Variants in ALG9 observed in about 807,000 individuals in gnomAD.
ALG9 encodes the protein ALG9 alpha-1,2-mannosyltransferase, also known as alpha-1,2-mannosyltransferase ALG9.
Under a neutral mutation model 81.8 loss-of-function variants are expected in ALG9, and 55 were observed. The ratio of observed to expected loss-of-function variants is 0.67; its 90% CI spans 0.54 to 0.84. The LOEUF is 0.84. Among genes scored for constraint, ALG9 ranks in the 40% least tolerant of loss-of-function variants. The probability of loss-of-function intolerance (pLI) is 0.00; values close to 1 mark genes in which losing one functional copy is unlikely to be tolerated. For missense variants in ALG9, 629 were observed against 745.0 expected, an observed-to-expected ratio of 0.84 and a Z score of 1.81; for synonymous variants, 278 against 274.3, an observed-to-expected ratio of 1.01 and a Z score of -0.13.
intron 14 of ALG9, among the ~76,000 whole-genome samples, chr11:111,798,804 C>A (rs782264591): frequency 6.6e-6 from 1 of 152,112 alleles, no homozygotes; most frequent in East Asian, 1.9e-4. Flanking sequence ...GGGACTAGAA[C>A]GTGTTGATTA....
At chr11:111,774,069 T>TAA in the ALG9 span, among the ~76,000 whole-genome samples, 36 of 69,708 alleles carry the variant, frequency 5.2e-4, 1 homozygote, top group African/African-American at 1.3e-3. Flanking sequence ...CATATCTTAT[T>TAA]AAAAAAAAAA....
intron 13 of ALG9, 45 bp from the exon 14 acceptor site, chr11:111,809,818 C>T (rs782496614): frequency 4.3e-6 from 7 of 1,609,266 alleles, no homozygotes; most frequent in African/African-American, 1.3e-5. Context: ...TTTTGAAGGT[C>T]CCTTCAGGGT....
intron 13 of ALG9, among the ~76,000 whole-genome samples, chr11:111,826,180 G>A (rs1403899090): frequency 1.3e-5 from 2 of 150,700 alleles, no homozygotes; most frequent in Non-Finnish European, 3.0e-5. Flanking sequence ...CAGTCTAGGA[G>A]TTTGAGACCA....
downstream of ALG9, among the ~76,000 whole-genome samples, chr11:111,779,155 T>C (rs1448143379): frequency 1.3e-5 from 2 of 152,086 alleles, no homozygotes; most frequent in African/African-American, 2.4e-5. Flanking sequence ...TTCTGTCTCG[T>C]GTAGCTCCAT....
At chr11:111,828,050 C>T (rs1555110259) in intron 13 of ALG9, among the ~76,000 whole-genome samples, 1 of 151,928 alleles carries the variant, frequency 6.6e-6, no homozygotes, top group Non-Finnish European at 1.5e-5. Context: ...ATTGGCCAGG[C>T]ATGGTGGTGT....
At chr11:111,841,902 T>G (rs1177546035) in intron 9 of ALG9, among the ~76,000 whole-genome samples, 3 of 152,176 alleles carry the variant, frequency 2.0e-5, no homozygotes, top group South Asian at 4.1e-4. Context: ...AGGTTTTTTG[T>G]TTTTTGTTTT....
intron 2 of ALG9, 33 bp from the exon 3 acceptor site, chr11:111,868,769 T>C: frequency 3.9e-6 from 6 of 1,548,726 alleles, no homozygotes; most frequent in Non-Finnish European, 5.2e-6. Flanking sequence ...TTCAGGGTTA[T>C]ACTGGCCAAA....
At chr11:111,864,157 AAG>A (rs2137201307) in intron 4 of ALG9, 1 of 533,044 alleles carries the variant, frequency 1.9e-6, no homozygotes, top group South Asian at 2.6e-5. Flanking sequence ...AAAAAAGAAA[AAG>A]AAGAGAACAA....
intron 8 of ALG9, chr11:111,849,649 C>T (rs1555135201): frequency 6.6e-6 from 1 of 151,832 alleles, no homozygotes; most frequent in Admixed American, 6.6e-5. Flanking sequence ...CCTCCACAGG[C>T]CCCAGTGTAT....
Position 111,871,512 on chromosome 11 carries a change from C to G in ALG9, c.-30G>C. On this transcript the variant is annotated 5_prime_UTR_variant, in exon 1 of 15. Transcript: ENST00000616540. The stretch of plus-strand genomic sequence containing the variant: ...AGCCTGGGGAAAAAAGAATTCGGCA[C>G]CCTATGAAGTCGGTGAGCGCGCAGA... The G allele has an allele frequency of 6.5e-7, 1 of 1,535,936 alleles. No homozygotes were observed. Among genetic ancestry groups the G allele is most frequent in the Non-Finnish European group, 8.7e-7 (1 of 1,146,472 alleles).
chr11:111,846,902 A>C (rs1957026800), intron 8 of ALG9, among the ~76,000 whole-genome samples: 1 of 152,196 alleles, frequency 6.6e-6, no homozygotes, highest in Non-Finnish European at 1.5e-5. Flanking sequence ...GAACTGGTGC[A>C]AGATGTTTAG....
Position 111,787,324 on chromosome 11 carries a change from T to C in ALG9, c.1734-804A>G, listed in dbSNP as rs1367996249. On this transcript the variant is annotated intron_variant, in intron 14 of 14. Transcript: ENST00000616540. ...GGTGCATGCCTGTAATCCCAGCTAC[T>C]TGGGAGGCTGAGACAGGAGAATTGC... Among the ~76,000 whole-genome samples, 6 of 151,604 alleles carry C rather than the reference T, an allele frequency of 4.0e-5. No individual in the cohort carries two copies. In the East Asian group the frequency reaches 7.8e-4, roughly 20 times the overall value.
At chr11:111,850,097 A>G (rs1292276910) in intron 8 of ALG9, among the ~76,000 whole-genome samples, 1 of 152,212 alleles carries the variant, frequency 6.6e-6, no homozygotes. Flanking sequence ...CACCAATTAT[A>G]ATAAAATTAG....
At chr11:111,795,212 A>G (rs1555074231) in intron 14 of ALG9, among the ~76,000 whole-genome samples, 2 of 152,094 alleles carry the variant, frequency 1.3e-5, no homozygotes, top group African/African-American at 4.8e-5. Context: ...CTATGCTCTG[A>G]CTCTTAAACC....
the ALG9 span, among the ~76,000 whole-genome samples, chr11:111,773,799 G>A: frequency 6.8e-6 from 1 of 146,004 alleles, no homozygotes; most frequent in South Asian, 2.1e-4. Context: ...CTGTTACCCA[G>A]TCTGGAGTGC....
downstream of ALG9, among the ~76,000 whole-genome samples, chr11:111,779,677 T>C (rs1273073218): frequency 2.0e-5 from 3 of 151,714 alleles, no homozygotes; most frequent in African/African-American, 7.3e-5. Flanking sequence ...TCTCTAGGCA[T>C]GTAATGACAG....
intron 3 of ALG9, among the ~76,000 whole-genome samples, chr11:111,868,022 T>A (rs1963050543): frequency 6.6e-6 from 1 of 151,982 alleles, no homozygotes; most frequent in Non-Finnish European, 1.5e-5. Context: ...GACATTCACA[T>A]CATCAAAGTT....
chr11:111,864,308 C>A lies in ALG9; in HGVS notation c.476+873G>T, dbSNP rs1420248505. On this transcript the variant is annotated intron_variant, in intron 4 of 14. Coordinates refer to ENST00000616540, the MANE Select transcript of ALG9 (RefSeq NM_024740.2). ...GAAGAAAGTGGTTCAACAGCCCCGG[C>A]TGGAGGCCAGGCTCAACTGCATAAA... 10 of 1,000,878 alleles carry A rather than the reference C, an allele frequency of 1.0e-5. No individual in the cohort carries two copies. The East Asian group carries it at 2.4e-4, about 24-fold the overall frequency. 62.0% of individuals were successfully genotyped at this position (1,000,878 alleles called of 1,614,324 possible). A position where few individuals can be genotyped will look rare whatever the true frequency, so the allele number is the denominator to read the frequency against.
intron 3 of ALG9, among the ~76,000 whole-genome samples, chr11:111,866,750 C>T (rs1379783581): frequency 6.6e-6 from 1 of 151,376 alleles, no homozygotes; most frequent in Admixed American, 6.6e-5. Flanking sequence ...TAGTTTTCTG[C>T]TGAGCCCTTC....
Sources: gnomAD v4.1 joint callset for allele counts (sites outside exome capture counted in the v4.1 genomes callset) on GRCh38, gnomAD v4.1.1 for gene constraint, MANE v1.5 for transcripts, NCBI Gene and HGNC (gene_info 2026-07-23, HGNC 2026-07-21) for gene names.